Variants in RBFOX1 observed in about 807,000 individuals in gnomAD.
RBFOX1 encodes RNA binding fox-1 homolog 1.
Under a neutral mutation model 57.7 loss-of-function variants are expected in RBFOX1, and 8 were observed. The observed-to-expected ratio is 0.14, with a 90% confidence interval of 0.08 to 0.25. The LOEUF (loss-of-function observed/expected upper bound fraction) is 0.25. Ranked by LOEUF, RBFOX1 falls within the 10% of genes least tolerant of loss-of-function variation. The probability of loss-of-function intolerance (pLI) is 1.00; values close to 1 mark genes in which losing one functional copy is unlikely to be tolerated. For synonymous variants in RBFOX1, 326 were observed against 222.4 expected (o/e 1.47, Z -4.15); for missense variants, 611 against 548.5 (o/e 1.11, Z -1.14).
At chr16:5,982,460 G>A (rs2060193277) in intron 4 of RBFOX1, among the ~76,000 whole-genome samples, 1 of 151,952 alleles carries the variant, frequency 6.6e-6, no homozygotes. Context: ...TTTTTTAGTA[G>A]AGAAGGGGTT....
At chr16:6,894,154 C>T (rs1349004481) in intron 3 of RBFOX1, among the ~76,000 whole-genome samples, 1 of 152,196 alleles carries the variant, frequency 6.6e-6, no homozygotes, top group Non-Finnish European at 1.5e-5. Flanking sequence ...TCTATAATTG[C>T]TACCTATCTC....
intron 3 of RBFOX1, among the ~76,000 whole-genome samples, chr16:7,037,107 C>G (rs190133049): frequency 6.6e-6 from 1 of 152,030 alleles, no homozygotes; most frequent in Non-Finnish European, 1.5e-5. Context: ...TTCTTTACTG[C>G]AAACTGTTCT....
intron 1 of RBFOX1, among the ~76,000 whole-genome samples, chr16:5,254,443 A>C (rs1329721432): frequency 1.3e-5 from 2 of 152,158 alleles, no homozygotes; most frequent in African/African-American, 2.4e-5. Flanking sequence ...CCTTTAGTAA[A>C]GACCTTAGTT....
chr16:7,114,392 G>T (rs2065438265), intron 4 of RBFOX1, among the ~76,000 whole-genome samples: 2 of 152,142 alleles, frequency 1.3e-5, no homozygotes, highest in South Asian at 4.1e-4. Context: ...CCCCTGGGAA[G>T]GAAGTATATG....
At chr16:6,154,298 G>A (rs767898911) in intron 1 of RBFOX1, among the ~76,000 whole-genome samples, 4 of 152,216 alleles carry the variant, frequency 2.6e-5, no homozygotes, top group Admixed American at 1.3e-4. Context: ...AAAGATTGCA[G>A]TCACTTTTGC....
chr16:6,679,700 A>T (rs2058323072), intron 3 of RBFOX1, among the ~76,000 whole-genome samples: 1 of 152,126 alleles, frequency 6.6e-6, no homozygotes. Flanking sequence ...ACCACACCAT[A>T]CAAGAGTACT....
intron 1 of RBFOX1, among the ~76,000 whole-genome samples, chr16:5,334,938 G>C (rs530459085): frequency 3.2e-4 from 49 of 152,098 alleles, no homozygotes; most frequent in Non-Finnish European, 3.7e-4. Flanking sequence ...GAATAGTTTT[G>C]TTCGCTTGTT....
At chr16:6,532,485 C>T (rs541875029) in intron 2 of RBFOX1, among the ~76,000 whole-genome samples, 13 of 152,230 alleles carry the variant, frequency 8.5e-5, no homozygotes, top group Non-Finnish European at 1.6e-4. Context: ...TGCTTTAAGG[C>T]GATGTTTATT....
chr16:6,079,412 A>G (rs2095963980), intron 1 of RBFOX1, among the ~76,000 whole-genome samples: 1 of 152,196 alleles, frequency 6.6e-6, no homozygotes, highest in Non-Finnish European at 1.5e-5. Context: ...CCTGGCCTCA[A>G]GTGATCTTCC....
intron 4 of RBFOX1, among the ~76,000 whole-genome samples, chr16:7,394,639 C>T (rs1307618527): frequency 6.6e-6 from 1 of 152,162 alleles, no homozygotes; most frequent in Non-Finnish European, 1.5e-5. Context: ...TCTGGATTCT[C>T]GATCACCACC....
At chr16:7,008,470 G>A (rs929591981) in intron 3 of RBFOX1, among the ~76,000 whole-genome samples, 1 of 151,996 alleles carries the variant, frequency 6.6e-6, no homozygotes, top group Non-Finnish European at 1.5e-5. Flanking sequence ...AACCTAGGAA[G>A]CAAAGGTTGC....
At chr16:6,254,961 A>G (rs1438904302) in intron 1 of RBFOX1, among the ~76,000 whole-genome samples, 1 of 151,722 alleles carries the variant, frequency 6.6e-6, no homozygotes, top group Non-Finnish European at 1.5e-5. Flanking sequence ...CCAGATTATT[A>G]AAATATATAT....
intron 3 of RBFOX1, among the ~76,000 whole-genome samples, chr16:5,608,705 G>T (rs1567292586): frequency 6.6e-6 from 1 of 152,226 alleles, no homozygotes; most frequent in Non-Finnish European, 1.5e-5. Flanking sequence ...CCCTGTAATA[G>T]TTGTAGGGCT....
chr16:7,031,403 C>G (rs765710236), intron 3 of RBFOX1, among the ~76,000 whole-genome samples: 3 of 152,034 alleles, frequency 2.0e-5, no homozygotes, highest in Non-Finnish European at 2.9e-5. Context: ...CAAGACCAGC[C>G]TGGCTAACAT....
chr16:7,478,942 T>C (rs967939413), intron 4 of RBFOX1, among the ~76,000 whole-genome samples: 1 of 152,054 alleles, frequency 6.6e-6, no homozygotes, highest in Admixed American at 6.6e-5. Flanking sequence ...ATTTCGTTTG[T>C]TCCCGTGCGG....
At chr16:5,404,439 C>T (rs1237258653) in intron 1 of RBFOX1, among the ~76,000 whole-genome samples, 1 of 152,122 alleles carries the variant, frequency 6.6e-6, no homozygotes, top group Non-Finnish European at 1.5e-5. Flanking sequence ...AGGCCACTGT[C>T]ACTTAGAGAA....
chr16:6,566,754 G>A (rs2097272357), intron 2 of RBFOX1, among the ~76,000 whole-genome samples: 1 of 152,140 alleles, frequency 6.6e-6, no homozygotes, highest in Non-Finnish European at 1.5e-5. Context: ...AACAGGATCT[G>A]TGTTTGACAA....
intron 3 of RBFOX1, among the ~76,000 whole-genome samples, chr16:5,682,966 T>A (rs965115064): frequency 1.3e-5 from 2 of 152,218 alleles, no homozygotes; most frequent in South Asian, 4.1e-4. Flanking sequence ...CTTGAATTGA[T>A]ACTTCAGGAC....
At chr16:7,502,450 A>G (rs559402308) in intron 4 of RBFOX1, among the ~76,000 whole-genome samples, 23 of 152,082 alleles carry the variant, frequency 1.5e-4, no homozygotes, top group Non-Finnish European at 2.9e-4. Flanking sequence ...GTGGTTGCTA[A>G]GTTTTCACCA....
Sources: gnomAD v4.1 joint callset for allele counts (sites outside exome capture counted in the v4.1 genomes callset) on GRCh38, gnomAD v4.1.1 for gene constraint, MANE v1.5 for transcripts, NCBI Gene and HGNC (gene_info 2026-07-23, HGNC 2026-07-21) for gene names.